PLCD3: variants seen among roughly 807,000 people sequenced by gnomAD.
The protein encoded by PLCD3 is 1-phosphatidylinositol 4,5-bisphosphate phosphodiesterase delta-3.
In PLCD3, 62 loss-of-function variants were observed where a neutral mutation model predicts 82.8. That is an observed-to-expected ratio of 0.75 (90% CI 0.61 to 0.93). PLCD3 has a LOEUF of 0.93. Ranked by LOEUF, PLCD3 falls within the 40% of genes least tolerant of loss-of-function variation. The probability of loss-of-function intolerance (pLI) is 0.00; values close to 1 mark genes in which losing one functional copy is unlikely to be tolerated. For synonymous variants in PLCD3, 478 were observed against 471.8 expected, an observed-to-expected ratio of 1.01 and a Z score of -0.17; for missense variants, 1,023 against 1,103.4, an observed-to-expected ratio of 0.93 and a Z score of 1.03.
At chr17:45,125,897 T>G (rs573234262) in intron 1 of PLCD3, among the ~76,000 whole-genome samples, 2 of 152,328 alleles carry the variant, frequency 1.3e-5, no homozygotes, top group East Asian at 3.9e-4. Flanking sequence ...AGTTATTGCT[T>G]GATGGTTAGT....
At chr17:45,120,263 G>A (rs1265703177) in intron 4 of PLCD3, 62 bp downstream of exon 4, 12 of 1,606,158 alleles carry the variant, frequency 7.5e-6, no homozygotes, top group Non-Finnish European at 1.0e-5. Context: ...CAGATGGCTG[G>A]GGGCAGGCAG....
rs1213748437 is a variant in PLCD3 at position 45,121,276 on chromosome 17, A to AGCC, written c.257_259dup (p.Arg86dup). ...CCACACGCTCAGGCCGTCCTCCTGC[A>AGCC]GCCGGTACAGCCGCTCCTTGTGCCA... is the stretch of plus-strand genomic sequence containing the variant. On this transcript the variant is annotated inframe_insertion, in exon 2 of 15. Transcript: ENST00000619929. The AGCC allele has an allele frequency of 6.3e-7, 1 of 1,587,512 alleles. No homozygotes were observed. The highest frequency in any genetic ancestry group is 1.7e-5 in the Admixed American group (1 of 58,628).
intron 7 of PLCD3, 44 bp downstream of exon 7, chr17:45,117,950 T>C (rs1238179950): frequency 1.2e-6 from 2 of 1,607,104 alleles, no homozygotes; most frequent in African/African-American, 1.3e-5. Context: ...ACGGAGGTCA[T>C]TGGGAAGGCT....
At chr17:45,122,160 C>T (rs779230489) in intron 1 of PLCD3, among the ~76,000 whole-genome samples, 3 of 152,148 alleles carry the variant, frequency 2.0e-5, no homozygotes, top group Non-Finnish European at 4.4e-5. Flanking sequence ...AGGAGGACAG[C>T]AGAGGCCACC....
rs1723855277 is a variant in PLCD3, at chr17:45,118,582, T to C, written c.914-90A>G. 1 of 1,441,886 alleles carries C rather than the reference T, an allele frequency of 6.9e-7. No homozygotes were observed. Among genetic ancestry groups the C allele is most frequent in the Admixed American group, 1.8e-5 (1 of 55,126 alleles). 89.3% of individuals were successfully genotyped at this position (1,441,886 alleles called of 1,614,324 possible). A position where few individuals can be genotyped will look rare whatever the true frequency, so the allele number is the denominator to read the frequency against. On this transcript the variant is annotated intron_variant, in intron 5 of 14. Transcript: ENST00000619929. This position sits in a 1 kb window ranked among gnomAD's most constrained non-coding sequence, Gnocchi z 4.1. ...CCCCAAGGCCCACTCAGCTTAGGAA[T>C]AATGACTAGACAATCTACTGACTAG...
At position 45,112,493 on chromosome 17, in the gene PLCD3, G is replaced by A; in HGVS notation, c.*123C>T. On this transcript the variant is annotated 3_prime_UTR_variant, in exon 15 of 15. Transcript: ENST00000619929. ...GAGACCAGCGCCTGGTGAATGGGCT[G>A]AGTGGGCCAAGTGGGTGGGCTGGGG... 9.2e-7 allele frequency: 1 copy of A among 1,088,560 alleles called. No individual in the cohort carries two copies. The highest frequency in any genetic ancestry group is 1.3e-6 in the Non-Finnish European group (1 of 741,726). The allele number at this position is 1,088,560 out of a possible 1,614,324, so 67.4% of individuals were successfully genotyped here.
intron 1 of PLCD3, among the ~76,000 whole-genome samples, chr17:45,126,654 G>T: frequency 6.7e-6 from 1 of 149,534 alleles, no homozygotes; most frequent in Admixed American, 6.7e-5. Context: ...GGAAACCATT[G>T]TATACTTTTT....
At position 45,118,426 on chromosome 17, in the gene PLCD3, G is replaced by A. The variant is rs71373535; in HGVS notation, c.980C>T (p.Ala327Val). 6.1e-4 allele frequency: 988 copies of A among 1,614,022 alleles called. 3 individuals are homozygous for A. In the African/African-American group the frequency reaches 0.011, roughly 18 times the overall value. The change falls in exon 6 of 15, where the codon GCC becomes GTC. Residue 327 changes from alanine (A) to valine (V), a missense_variant. Transcript: ENST00000619929. The surrounding 1 kb of genome is among the most constrained non-coding windows in gnomAD (Gnocchi z 4.1). ...CACACACGTGTGGGTGTTGTCCAAGGCAGCCCCCTCCGGCGACAACAGGTA... is the reference window on the plus strand; with the variant it reads ...CACACACGTGTGGGTGTTGTCCAAGACAGCCCCCTCCGGCGACAACAGGTA... ...MMYLLSPEGA[A>V]LDNTHTCVFQ...
In PLCD3 at chr17:45,118,954, C is replaced by G; in HGVS notation, c.774G>C (p.Glu258Asp). Residue 258 changes from glutamate (E) to aspartate (D), a missense_variant, in exon 5 of 15, where the codon GAG (glutamate) becomes GAC (aspartate). Around this residue, in one of 3 missense-constraint regions of PLCD3, gnomAD observed 448 missense variants for 406.3 expected, o/e 1.10. Transcript: ENST00000619929. The surrounding 1 kb of genome is among the most constrained non-coding windows in gnomAD (Gnocchi z 4.1). ...RRLLKRPELE[E>D]IFHQYSGEDR... The stretch of plus-strand genomic sequence containing the variant: ...CCTCGCCCGAGTACTGATGGAAGAT[C>G]TCCTCCAGCTCCGGCCGCTTCAGCA... 6.2e-7 allele frequency: 1 copy of G among 1,612,366 alleles called. No individual in the cohort carries two copies. Among genetic ancestry groups the G allele is most frequent in the Non-Finnish European group, 8.5e-7 (1 of 1,179,624 alleles).
At position 45,112,232 on chromosome 17, in the gene PLCD3, G is replaced by A. The variant is rs1598025579; in HGVS notation, c.*384C>T. 8.4e-6 allele frequency: 2 copies of A among 237,462 alleles called. No individual in the cohort carries two copies. The highest frequency in any genetic ancestry group is 2.2e-4 in the East Asian group (2 of 9,196). The allele number at this position is 237,462 out of a possible 1,614,324, so 14.7% of individuals were successfully genotyped here. ...AGTGGAGTGACTGCGCTCCTCTGGG[G>A]GAAGGAGGCTGGGATGGCCCACGGG... is the stretch of plus-strand genomic sequence containing the variant. On this transcript the variant is annotated 3_prime_UTR_variant, in exon 15 of 15. Coordinates refer to ENST00000619929, the MANE Select transcript of PLCD3 (RefSeq NM_133373.5).
intron 7 of PLCD3, 108 bp from the exon 8 acceptor site, chr17:45,116,892 G>A: frequency 7.4e-7 from 1 of 1,358,634 alleles, no homozygotes; most frequent in Middle Eastern, 1.9e-4. Context: ...GCAGGGCTCT[G>A]GAGAACCCAG....
rs535315997 is a variant in PLCD3, at chr17:45,118,743, C to T, written c.913+72G>A. 3.0e-5 allele frequency: 44 copies of T among 1,472,206 alleles called. No individual in the cohort carries two copies. The highest frequency in any genetic ancestry group is 1.4e-4 in the East Asian group (6 of 41,770). 91.2% of individuals were successfully genotyped at this position (1,472,206 alleles called of 1,614,324 possible). ...GCCCGAGATGATGCCCGCGCCAGCCCGCAGCAGAACCCGCTTAGCTGGGAA... is the reference window on the plus strand; with the variant it reads ...GCCCGAGATGATGCCCGCGCCAGCCTGCAGCAGAACCCGCTTAGCTGGGAA... On this transcript the variant is annotated intron_variant, in intron 5 of 14. Transcript: ENST00000619929. This position sits in a 1 kb window ranked among gnomAD's most constrained non-coding sequence, Gnocchi z 4.1.
intron 1 of PLCD3, among the ~76,000 whole-genome samples, chr17:45,127,896 C>T (rs117873694): frequency 0.04 from 6,119 of 152,060 alleles, 180 homozygotes; most frequent in Non-Finnish European, 0.06. Context: ...GGCTCGCACT[C>T]GGGAGGTGCA....
chr17:45,120,808 C>A, intron 3 of PLCD3, 94 bp downstream of exon 3: 4 of 1,336,218 alleles, frequency 3.0e-6, no homozygotes, highest in Non-Finnish European at 3.9e-6. Context: ...CAGGGCCCTG[C>A]CTTCCCTGGG....
At chr17:45,113,948 C>T (rs1216234506) in intron 11 of PLCD3, among the ~76,000 whole-genome samples, 4 of 152,098 alleles carry the variant, frequency 2.6e-5, no homozygotes. Flanking sequence ...CTCAGCGTCC[C>T]CCAGAGCCCA....
chr17:45,128,112 A>G (rs1304506247), intron 1 of PLCD3, among the ~76,000 whole-genome samples: 1 of 152,132 alleles, frequency 6.6e-6, no homozygotes, highest in African/African-American at 2.4e-5. Context: ...CTCAGGCACC[A>G]AGCATGTCCC....
Position 45,111,208 on chromosome 17 carries a change from T to C in PLCD3, c.*1408A>G, listed in dbSNP as rs376997339. 1 of 152,138 alleles carries C rather than the reference T, an allele frequency of 6.6e-6. No individual in the cohort carries two copies. The highest frequency in any genetic ancestry group is 2.4e-5 in the African/African-American group (1 of 41,434). 9.4% of individuals were successfully genotyped at this position (152,138 alleles called of 1,614,324 possible). ...GCGGCCCAAGCAGCGTTTCCAGCCT[T>C]TGTGTAAAAGGCTGGCTGGCTGGAG... On this transcript the variant is annotated 3_prime_UTR_variant, in exon 15 of 15. Transcript: ENST00000619929.
chr17:45,120,747 C>T (rs2054329656), intron 3 of PLCD3, among the ~76,000 whole-genome samples, 155 bp downstream of exon 3: 1 of 152,206 alleles, frequency 6.6e-6, no homozygotes. Context: ...CGTGTCCCCA[C>T]CCTCAGTTTC....
chr17:45,127,853 G>C (rs1443419728), intron 1 of PLCD3, among the ~76,000 whole-genome samples: 1 of 151,896 alleles, frequency 6.6e-6, no homozygotes, highest in Non-Finnish European at 1.5e-5. Context: ...GGGTGGAGAG[G>C]GTGGAAGGTG....
Sources: gnomAD v4.1 joint callset for allele counts (sites outside exome capture counted in the v4.1 genomes callset) on GRCh38, gnomAD v4.1.1 for gene constraint, gnomAD v4.1.1 regional missense constraint, Gnocchi (gnomAD v3.1) non-coding constraint, MANE v1.5 for transcripts, NCBI Gene and HGNC (gene_info 2026-07-23, HGNC 2026-07-21) for gene names.